The following GIPC2 variants were observed in gnomAD, a reference collection of about 807,000 sequenced individuals.
GIPC2 encodes PDZ domain-containing protein GIPC2.
Under a neutral mutation model 30.6 loss-of-function variants are expected in GIPC2, and 30 were observed. That is an observed-to-expected ratio of 0.98 (90% CI 0.73 to 1.33). The LOEUF (loss-of-function observed/expected upper bound fraction) is 1.33, where lower values mean the gene tolerates loss of function less well. Ranked by LOEUF, GIPC2 falls within the 40% of genes most tolerant of loss-of-function variation. The probability of loss-of-function intolerance (pLI) is 0.00; values close to 1 mark genes in which losing one functional copy is unlikely to be tolerated. For synonymous variants in GIPC2, 167 were observed against 150.0 expected (o/e 1.11, Z -0.83); for missense variants, 414 against 390.3 (o/e 1.06, Z -0.51).
chr1:78,046,347 G>C lies in GIPC2; in HGVS notation c.240+13G>C, dbSNP rs538252682. On this transcript the variant is annotated intron_variant, in intron 1 of 5. Transcript: ENST00000370759. ...CTCGCCGTCGGAGGTAAGGCGCCAG[G>C]TGCTCAGGCTCTCCCGCCTCTCCGC... 1.9e-6 allele frequency: 3 copies of C among 1,601,614 alleles called. No individual in the cohort carries two copies. The South Asian group carries it at 3.3e-5, about 18-fold the overall frequency.
At chr1:78,072,059 A>G (rs1661629613) in intron 1 of GIPC2, among the ~76,000 whole-genome samples, 1 of 152,136 alleles carries the variant, frequency 6.6e-6, no homozygotes, top group Non-Finnish European at 1.5e-5. Context: ...AACTGCACCA[A>G]TTACTATATA....
chr1:78,070,035 T>C (rs1043733739), intron 1 of GIPC2, among the ~76,000 whole-genome samples: 4 of 152,200 alleles, frequency 2.6e-5, no homozygotes, highest in Non-Finnish European at 5.9e-5. Flanking sequence ...TATCACACTC[T>C]CTTCAGACAT....
chr1:78,069,173 A>T, intron 1 of GIPC2: 7 of 754,592 alleles, frequency 9.3e-6, no homozygotes, highest in Non-Finnish European at 1.1e-5. Context: ...TCTGTGACAG[A>T]ATTCTGTTCT....
chr1:78,116,101 G>A lies in GIPC2; in HGVS notation c.608-3292G>A, dbSNP rs58770363. Among the ~76,000 whole-genome samples the A allele has an allele frequency of 6.1e-3, 926 of 152,272 alleles. 11 individuals are homozygous for A. The highest frequency in any genetic ancestry group is 0.021 in the African/African-American group (860 of 41,550). On this transcript the variant is annotated intron_variant, in intron 3 of 5. Coordinates refer to ENST00000370759, the MANE Select transcript of GIPC2 (RefSeq NM_017655.6). ...GCCTCAGGAAACTTAAAATCATGGC[G>A]GAAGGGAAAGCAGGCATGTCTTATA...
At chr1:78,124,169 G>A (rs1299956407) in intron 4 of GIPC2, among the ~76,000 whole-genome samples, 1 of 151,998 alleles carries the variant, frequency 6.6e-6, no homozygotes, top group Admixed American at 6.6e-5. Flanking sequence ...GCCATTTAAA[G>A]CCAAGTATTG....
chr1:78,117,539 T>A (rs1305534953), intron 3 of GIPC2, among the ~76,000 whole-genome samples: 3 of 152,130 alleles, frequency 2.0e-5, no homozygotes, highest in Non-Finnish European at 4.4e-5. Flanking sequence ...CACAGTAGGG[T>A]TCATTTTCTG....
intron 5 of GIPC2, among the ~76,000 whole-genome samples, chr1:78,131,726 G>T (rs1661690774): frequency 6.6e-6 from 1 of 152,106 alleles, no homozygotes; most frequent in Non-Finnish European, 1.5e-5. Flanking sequence ...TGTCTTAAAA[G>T]CTATGTTCAC....
chr1:78,111,999 A>G (rs1229814784), intron 3 of GIPC2, among the ~76,000 whole-genome samples: 2 of 152,230 alleles, frequency 1.3e-5, no homozygotes, highest in Non-Finnish European at 2.9e-5. Context: ...CATTACTTAC[A>G]AGCATCGTGA....
At chr1:78,100,719 C>T (rs759442619) in intron 3 of GIPC2, among the ~76,000 whole-genome samples, 2 of 151,918 alleles carry the variant, frequency 1.3e-5, no homozygotes, top group Non-Finnish European at 2.9e-5. Context: ...CACTTGAGGT[C>T]GGGAGTTTGA....
intron 3 of GIPC2, chr1:78,112,610 C>T (rs748344235): frequency 3.9e-5 from 20 of 511,728 alleles, no homozygotes; most frequent in Non-Finnish European, 7.0e-5. Flanking sequence ...ACAGCCTCCC[C>T]ACTGCTTGGT....
intron 2 of GIPC2, among the ~76,000 whole-genome samples, chr1:78,085,511 T>C (rs1317407502): frequency 6.6e-6 from 1 of 151,964 alleles, no homozygotes; most frequent in Non-Finnish European, 1.5e-5. Flanking sequence ...CTTTTCTTTG[T>C]ATATTTGATA....
At chr1:78,055,490 G>C (rs373326069) in intron 1 of GIPC2, among the ~76,000 whole-genome samples, 1 of 152,140 alleles carries the variant, frequency 6.6e-6, no homozygotes, top group South Asian at 2.1e-4. Context: ...ATACTGTAGA[G>C]AACTGAGAGC....
chr1:78,131,241 C>T (rs983587571), intron 5 of GIPC2, among the ~76,000 whole-genome samples: 1 of 151,458 alleles, frequency 6.6e-6, no homozygotes, highest in Non-Finnish European at 1.5e-5. Flanking sequence ...GAGTCTTGCT[C>T]TGTCGCCCAG....
Position 78,095,059 on chromosome 1 carries a change from T to A in GIPC2, c.534T>A (p.Val178=). 6.2e-7 allele frequency: 1 copy of A among 1,609,894 alleles called. No homozygotes were observed. The highest frequency in any genetic ancestry group is 8.5e-7 in the Non-Finnish European group (1 of 1,176,188). ...TTGTTGGGTGGCGTCACTATGATGTTGCTAAGAAGTTAAAGGAATTAAAAA... is the reference window on the plus strand; with the variant it reads ...TTGTTGGGTGGCGTCACTATGATGTAGCTAAGAAGTTAAAGGAATTAAAAA... The part of the protein sequence containing the change: ...ENIVGWRHYD[V]AKKLKELKKE... Residue 178 remains valine (V), a synonymous_variant, in exon 3 of 6, where the codon GTT becomes GTA. Coordinates refer to ENST00000370759, the MANE Select transcript of GIPC2 (RefSeq NM_017655.6).
At chr1:78,080,199 A>C (rs1169831850) in intron 1 of GIPC2, among the ~76,000 whole-genome samples, 2 of 152,174 alleles carry the variant, frequency 1.3e-5, no homozygotes, top group Non-Finnish European at 2.9e-5. Context: ...TAGTGTATGC[A>C]TGATGCAGAC....
intron 1 of GIPC2, among the ~76,000 whole-genome samples, chr1:78,062,838 A>T (rs1212612572): frequency 1.3e-5 from 2 of 152,144 alleles, no homozygotes; most frequent in African/African-American, 4.8e-5. Context: ...TTACCACTTA[A>T]CCTATGCTAT....
At chr1:78,096,917 T>G (rs1322868625) in intron 3 of GIPC2, among the ~76,000 whole-genome samples, 1 of 152,222 alleles carries the variant, frequency 6.6e-6, no homozygotes, top group African/African-American at 2.4e-5. Flanking sequence ...CTGGTCTTTA[T>G]GCATTTTCTG....
chr1:78,135,442 C>G lies in GIPC2; in HGVS notation c.797-150C>G. ...GATGTGTGTGTGTGAGAGAGGGTAT[C>G]TTACTGTTTTAATTTGCATTTAATT... On this transcript the variant is annotated intron_variant, in intron 5 of 5. Coordinates refer to ENST00000370759, the MANE Select transcript of GIPC2 (RefSeq NM_017655.6). 1.9e-5 allele frequency: 11 copies of G among 583,458 alleles called. No homozygotes were observed. In the South Asian group the frequency reaches 2.4e-4, roughly 13 times the overall value. The allele number at this position is 583,458 out of a possible 1,614,324, so 36.1% of individuals were successfully genotyped here.
At chr1:78,112,040 G>C (rs1662474767) in intron 3 of GIPC2, among the ~76,000 whole-genome samples, 1 of 152,228 alleles carries the variant, frequency 6.6e-6, no homozygotes, top group South Asian at 2.1e-4. Flanking sequence ...TGATGGTAGA[G>C]ATAATCAGAC....
Sources: gnomAD v4.1 joint callset for allele counts (sites outside exome capture counted in the v4.1 genomes callset) on GRCh38, gnomAD v4.1.1 for gene constraint, MANE v1.5 for transcripts, NCBI Gene and HGNC (gene_info 2026-07-23, HGNC 2026-07-21) for gene names.